SVEP1: variants seen among roughly 807,000 people sequenced by gnomAD.
SVEP1 encodes sushi, von Willebrand factor type A, EGF and pentraxin domain containing 1, also known as sushi, von Willebrand factor type A, EGF and pentraxin domain-containing protein 1.
A neutral mutation model predicts 367.3 loss-of-function variants in SVEP1; 164 were observed. The ratio of observed to expected loss-of-function variants is 0.45; its 90% CI spans 0.39 to 0.51. The LOEUF is 0.51. Ranked by LOEUF, SVEP1 falls within the 20% of genes least tolerant of loss-of-function variation. The probability of loss-of-function intolerance (pLI) is 0.00; values close to 1 mark genes in which losing one functional copy is unlikely to be tolerated. For synonymous variants in SVEP1, 1,666 were observed against 1,611.6 expected, an observed-to-expected ratio of 1.03 and a Z score of -0.81; for missense variants, 4,117 against 4,425.3, an observed-to-expected ratio of 0.93 and a Z score of 1.98.
At chr9:110,514,240 G>T in intron 3 of SVEP1, 134 bp from the exon 4 acceptor site, 1 of 1,182,264 alleles carries the variant, frequency 8.5e-7, no homozygotes, top group Non-Finnish European at 1.2e-6. Flanking sequence ...GGCTGGGTGT[G>T]GTGGCTCACG....
intron 1 of SVEP1, among the ~76,000 whole-genome samples, chr9:110,572,789 C>CA (rs56077443): frequency 0.061 from 4,649 of 76,402 alleles, 596 homozygotes; most frequent in African/African-American, 0.17. Flanking sequence ...CTCTCTCTCA[C>CA]AAAAAAAAAA....
chr9:110,523,874 A>G (rs1157663392), intron 3 of SVEP1, among the ~76,000 whole-genome samples: 3 of 152,030 alleles, frequency 2.0e-5, no homozygotes, highest in Admixed American at 2.0e-4. Context: ...TAAAATTAAA[A>G]ACAGAAAAAA....
At position 110,365,386 on chromosome 9, in the gene SVEP1, C is replaced by G. The variant is rs1005084043; in HGVS notation, c.*1153G>C. Reference sequence around the variant, plus strand: ...ATGCCTACGGTAGTGAAGAGAACCACTAGGAGAATCAAGATCTCTTTCATC... The same window carrying G: ...ATGCCTACGGTAGTGAAGAGAACCAGTAGGAGAATCAAGATCTCTTTCATC... On this transcript the variant is annotated 3_prime_UTR_variant, in exon 48 of 48. Transcript: ENST00000374469. The G allele has an allele frequency of 2.0e-5, 3 of 152,180 alleles. No individual in the cohort carries two copies. Among genetic ancestry groups the G allele is most frequent in the Non-Finnish European group, 2.9e-5 (2 of 68,050 alleles). The allele number at this position is 152,180 out of a possible 1,614,324, so 9.4% of individuals were successfully genotyped here. A position where few individuals can be genotyped will look rare whatever the true frequency, so the allele number is the denominator to read the frequency against.
intron 8 of SVEP1, among the ~76,000 whole-genome samples, chr9:110,492,265 G>T (rs2118730928): frequency 6.6e-6 from 1 of 152,148 alleles, no homozygotes; most frequent in South Asian, 2.1e-4. Flanking sequence ...GTGAAAAATT[G>T]TGGTCGTTAG....
At chr9:110,386,496 C>A (rs540971717) in intron 42 of SVEP1, among the ~76,000 whole-genome samples, 2 of 152,244 alleles carry the variant, frequency 1.3e-5, no homozygotes, top group East Asian at 3.9e-4. Flanking sequence ...TTTTATTGAA[C>A]ATCCTTCAGG....
Position 110,447,015 on chromosome 9 carries a change from C to A in SVEP1, c.4146G>T (p.Leu1382Phe). Reference sequence around the variant, plus strand: ...GATTAGACTGACATTCATTGATGTTCAATTCACAGTGTGATCCTGTGAAGC... The same window carrying A: ...GATTAGACTGACATTCATTGATGTTAAATTCACAGTGTGATCCTGTGAAGC... ...AAGFTGSHCE[L>F]NINECQSNPC... Residue 1382 changes from leucine to phenylalanine, a missense_variant, in exon 25 of 48, where the codon TTG becomes TTT. Leu to Phe is a conservative substitution (Grantham distance 22). Transcript: ENST00000374469. 1 of 1,541,842 alleles carries A rather than the reference C, an allele frequency of 6.5e-7. No individual in the cohort carries two copies.
In SVEP1 at chr9:110,392,133, T is replaced by TTATATATATA. The variant is rs35109985; in HGVS notation, c.9823-2556_9823-2547dup. ...CATTAACTTGTGACCCAATTCCTCA[T>TTATATATATA]TATATATATATATATATATATCTCT... On this transcript the variant is annotated intron_variant, in intron 40 of 47. Coordinates refer to ENST00000374469, the MANE Select transcript of SVEP1 (RefSeq NM_153366.4). Among the ~76,000 whole-genome samples, 565 of 99,610 alleles carry TTATATATATA rather than the reference T, an allele frequency of 5.7e-3. 11 individuals are homozygous for TTATATATATA. The highest frequency in any genetic ancestry group is 0.012 in the African/African-American group (322 of 25,812). The allele number at this position is 99,610 out of a possible 152,430, so 65.3% of individuals were successfully genotyped here.
intron 8 of SVEP1, 67 bp from the exon 9 acceptor site, chr9:110,489,846 ATAT>A: frequency 6.6e-7 from 1 of 1,511,930 alleles, no homozygotes; most frequent in Admixed American, 2.0e-5. Flanking sequence ...TCTGATTTAT[ATAT>A]TATTAGTAAT....
At chr9:110,477,541 G>T (rs10817028) in intron 13 of SVEP1, among the ~76,000 whole-genome samples, 43,277 of 151,892 alleles carry the variant, frequency 0.28, 6,499 homozygotes, top group Admixed American at 0.33. Context: ...TCTCTCTTCT[G>T]AAGCCTCCAA....
intron 5 of SVEP1, among the ~76,000 whole-genome samples, chr9:110,510,759 T>C (rs1829698383): frequency 6.6e-6 from 1 of 152,208 alleles, no homozygotes; most frequent in Non-Finnish European, 1.5e-5. Context: ...ATGTAATATT[T>C]CCCATCCTCT....
In SVEP1 at chr9:110,407,220, G is replaced by C; in HGVS notation, c.8380C>G (p.Leu2794Val). ...TCACACTCATAGTACAACGTGCTCA[G>C]GTATGTGTAGTTGCTTCCTTTGATG... ...GSIKGSNYTYLSTLYYECDPG... is the reference protein window; with the variant it reads ...GSIKGSNYTYVSTLYYECDPG... The change falls in exon 38 of 48, where the codon CTG becomes GTG. Residue 2794 changes from leucine (L) to valine (V), a missense_variant. By Grantham distance (32) the Leu-to-Val change is conservative (BLOSUM62 1). Transcript: ENST00000374469. 6.2e-7 allele frequency: 1 copy of C among 1,613,948 alleles called. No individual in the cohort carries two copies. Among genetic ancestry groups the C allele is most frequent in the Non-Finnish European group, 8.5e-7 (1 of 1,179,876 alleles).
rs1225873442 is a variant in SVEP1 at position 110,432,569 on chromosome 9, C to T, written c.5126G>A (p.Gly1709Asp). The T allele has an allele frequency of 1.9e-6, 3 of 1,613,764 alleles. No individual in the cohort carries two copies. The highest frequency in any genetic ancestry group is 1.3e-5 in the African/African-American group (1 of 74,902). The change falls in exon 31 of 48, where the codon GGC (glycine) becomes GAC (aspartate). Residue 1709 changes from glycine (G) to aspartate (D), a missense_variant. Around this residue, in one of 4 missense-constraint regions of SVEP1, gnomAD observed 2,174 missense variants for 2,494.3 expected, o/e 0.87. Coordinates refer to ENST00000374469, the MANE Select transcript of SVEP1 (RefSeq NM_153366.4). ...GTTGCACTGGTAGGTTACTGTGCTG[C>T]CAGCATAGAAGTCATCGGCTGAATG... ...GFHSADDFYA[G>D]STVTYQCNNG...
intron 20 of SVEP1, 69 bp downstream of exon 20, chr9:110,458,402 T>A: frequency 7.6e-7 from 1 of 1,312,086 alleles, no homozygotes; most frequent in Non-Finnish European, 1.1e-6. Context: ...TTCCTGTGTG[T>A]GATGTGTAAA....
intron 39 of SVEP1, among the ~76,000 whole-genome samples, chr9:110,403,373 C>G (rs541076272): frequency 7.7e-6 from 1 of 129,490 alleles, no homozygotes; most frequent in Non-Finnish European, 1.6e-5. Context: ...GGCGCAATCT[C>G]GGTTCACTGC....
rs180934022 is a variant in SVEP1 at position 110,515,331 on chromosome 9, C to T, written c.965-1225G>A. ...TTTTTTTTTTTTTGAGACGGAGTCTCGCTCTGTCCCCCAGGCTGGAGTGCA... is the reference window on the plus strand; with the variant it reads ...TTTTTTTTTTTTTGAGACGGAGTCTTGCTCTGTCCCCCAGGCTGGAGTGCA... On this transcript the variant is annotated intron_variant, in intron 3 of 47. Transcript: ENST00000374469. 5.0e-3 allele frequency among the ~76,000 whole-genome samples: 716 copies of T among 143,322 alleles called. 5 individuals are homozygous for T. Among genetic ancestry groups the T allele is most frequent in the African/African-American group, 0.018 (688 of 38,318 alleles). The allele number at this position is 143,322 out of a possible 152,430, so 94.0% of individuals were successfully genotyped here.
At position 110,482,399 on chromosome 9, in the gene SVEP1, C is replaced by T. The variant is rs533753094; in HGVS notation, c.2132G>A (p.Gly711Asp). Residue 711 changes from glycine (G) to aspartate (D), a missense_variant, in exon 11 of 48, where the codon GGC (glycine) becomes GAC (aspartate). Around this residue, in one of 4 missense-constraint regions of SVEP1, gnomAD observed 2,174 missense variants for 2,494.3 expected, o/e 0.87. Coordinates refer to ENST00000374469, the MANE Select transcript of SVEP1 (RefSeq NM_153366.4). Reference sequence around the variant, plus strand: ...ATGGATATCACATGTCCTGTTATTGCCTGAGGGGTCAGTGGCTGTATACTG... The same window carrying T: ...ATGGATATCACATGTCCTGTTATTGTCTGAGGGGTCAGTGGCTGTATACTG... ...IVQYTATDPS[G>D]NNRTCDIHIV... 12 of 1,612,252 alleles carry T rather than the reference C, an allele frequency of 7.4e-6. No homozygotes were observed. The highest frequency in any genetic ancestry group is 2.7e-5 in the African/African-American group (2 of 74,974).
intron 14 of SVEP1, 197 bp downstream of exon 14, chr9:110,475,997 CAAATAATTTT>C: frequency 7.0e-6 from 3 of 431,632 alleles, no homozygotes; most frequent in Non-Finnish European, 1.2e-5. Context: ...AGAATCCTGG[CAAATAATTTT>C]AAATAATTTA....
intron 9 of SVEP1, among the ~76,000 whole-genome samples, chr9:110,485,932 T>C (rs57759468): frequency 0.028 from 4,282 of 152,304 alleles, 189 homozygotes; most frequent in African/African-American, 0.098. Flanking sequence ...ATTTTTGTCT[T>C]TTCCTCATGT....
At chr9:110,520,129 T>G (rs553477710) in intron 3 of SVEP1, among the ~76,000 whole-genome samples, 1 of 152,092 alleles carries the variant, frequency 6.6e-6, no homozygotes, top group South Asian at 2.1e-4. Context: ...GCGAACAGAG[T>G]TTTGAATAAA....
Sources: gnomAD v4.1 joint callset for allele counts (sites outside exome capture counted in the v4.1 genomes callset) on GRCh38, gnomAD v4.1.1 for gene constraint, gnomAD v4.1.1 regional missense constraint, MANE v1.5 for transcripts, NCBI Gene and HGNC (gene_info 2026-07-23, HGNC 2026-07-21) for gene names.